The following NXPE3 variants were observed in gnomAD, a reference collection of about 807,000 sequenced individuals.
NXPE3 encodes NXPE family member 3.
A neutral mutation model predicts 46.1 loss-of-function variants in NXPE3; 26 were observed. The ratio of observed to expected loss-of-function variants is 0.56; its 90% CI spans 0.41 to 0.78. NXPE3 has a LOEUF of 0.78. Ranked by LOEUF, NXPE3 falls within the 30% of genes least tolerant of loss-of-function variation. The pLI, the probability that NXPE3 is intolerant of heterozygous loss-of-function variation, is 0.00. For missense variants in NXPE3, 620 were observed against 686.0 expected, an observed-to-expected ratio of 0.90 and a Z score of 1.07; for synonymous variants, 272 against 257.9, an observed-to-expected ratio of 1.05 and a Z score of -0.52.
rs1463385443 is a variant in NXPE3 at position 101,826,333 on chromosome 3, T to A, written c.*4379T>A. 3.9e-5 allele frequency: 6 copies of A among 152,200 alleles called. No homozygotes were observed. Among genetic ancestry groups the A allele is most frequent in the Admixed American group, 3.9e-4 (6 of 15,280 alleles). 9.4% of individuals were successfully genotyped at this position (152,200 alleles called of 1,614,324 possible). A position where few individuals can be genotyped will look rare whatever the true frequency, so the allele number is the denominator to read the frequency against. On this transcript the variant is annotated 3_prime_UTR_variant, in exon 8 of 8. Transcript: ENST00000273347. ...ACAGAAATAAGCCTCCCCAACTTTC[T>A]AAAAAACTGCTCAGCATTATCTCTG...
chr3:101,785,719 A>G, intron 4 of NXPE3, 30 bp downstream of exon 4: 2 of 1,573,872 alleles, frequency 1.3e-6, no homozygotes, highest in Non-Finnish European at 1.7e-6. Flanking sequence ...CCTCATAACT[A>G]AGGGAGCCGA....
intron 6 of NXPE3, among the ~76,000 whole-genome samples, chr3:101,814,396 T>C (rs1317928199): frequency 6.6e-6 from 1 of 152,238 alleles, no homozygotes; most frequent in African/African-American, 2.4e-5. Context: ...GATAATCGCA[T>C]TTGCCAAATA....
intron 3 of NXPE3, among the ~76,000 whole-genome samples, chr3:101,783,186 C>T (rs573273628): frequency 5.2e-4 from 79 of 152,176 alleles, no homozygotes; most frequent in African/African-American, 1.6e-3. Flanking sequence ...CTCAGCCTCC[C>T]GAGTAGCTGG....
chr3:101,810,442 C>T (rs995261883), intron 6 of NXPE3, among the ~76,000 whole-genome samples: 1 of 152,210 alleles, frequency 6.6e-6, no homozygotes. Context: ...TATGCTCTTA[C>T]ATAATCTCCT....
At chr3:101,784,628 G>A (rs1940038341) in intron 3 of NXPE3, among the ~76,000 whole-genome samples, 1 of 152,180 alleles carries the variant, frequency 6.6e-6, no homozygotes, top group South Asian at 2.1e-4. Flanking sequence ...GACATTTTCT[G>A]TTTACCTGTA....
At chr3:101,804,290 A>T (rs1366539089) in intron 5 of NXPE3, among the ~76,000 whole-genome samples, 1 of 152,218 alleles carries the variant, frequency 6.6e-6, no homozygotes, top group South Asian at 2.1e-4. Flanking sequence ...CTGACTATAA[A>T]TTCTACCATT....
chr3:101,794,081 C>G (rs1195516505), intron 4 of NXPE3, among the ~76,000 whole-genome samples: 1 of 150,352 alleles, frequency 6.7e-6, no homozygotes, highest in Non-Finnish European at 1.5e-5. Context: ...TGCCTAGTGT[C>G]TGGAAAACCA....
At chr3:101,800,426 T>G (rs1941076186) in intron 4 of NXPE3, among the ~76,000 whole-genome samples, 1 of 152,208 alleles carries the variant, frequency 6.6e-6, no homozygotes, top group South Asian at 2.1e-4. Flanking sequence ...TAAAAAATTT[T>G]TAAGGTGTAT....
intron 3 of NXPE3, among the ~76,000 whole-genome samples, chr3:101,784,332 A>G (rs1342120201): frequency 4.6e-5 from 7 of 152,260 alleles, no homozygotes; most frequent in East Asian, 1.9e-4. Flanking sequence ...AGAAGTGAAA[A>G]TAATAAGTGC....
At chr3:101,796,020 C>G (rs755719491) in intron 4 of NXPE3, among the ~76,000 whole-genome samples, 10 of 152,234 alleles carry the variant, frequency 6.6e-5, no homozygotes, top group South Asian at 4.1e-4. Context: ...ATTCAAATAG[C>G]TGTTACCAAG....
Position 101,826,000 on chromosome 3 carries a change from A to G in NXPE3, c.*4046A>G, listed in dbSNP as rs1453236050. ...CAAAACAGACCTTTGGTGTTCCAGT[A>G]TGATTCATTTTGCCATTCTGAACAA... On this transcript the variant is annotated 3_prime_UTR_variant, in exon 8 of 8. Transcript: ENST00000273347. The G allele has an allele frequency of 1.3e-5, 2 of 152,218 alleles. No homozygotes were observed. Among genetic ancestry groups the G allele is most frequent in the Non-Finnish European group, 2.9e-5 (2 of 68,034 alleles). 9.4% of individuals were successfully genotyped at this position (152,218 alleles called of 1,614,324 possible).
chr3:101,821,462 C>A lies in NXPE3; in HGVS notation c.1188C>A (p.Asp396Glu), dbSNP rs372755782. Residue 396 changes from aspartate to glutamate, a missense_variant, in exon 8 of 8, where the codon GAC becomes GAA. By Grantham distance (45) the Asp-to-Glu change is conservative. Coordinates refer to ENST00000273347, the MANE Select transcript of NXPE3 (RefSeq NM_145037.4). Reference protein sequence around the residue: ...PKNVGPFLAVDQKHNILLKYR... With the variant: ...PKNVGPFLAVEQKHNILLKYR... ...ATGTGGGTCCCTTCCTTGCAGTGGA[C>A]CAGAAGCACAACATCCTGCTCAAAT... is the stretch of plus-strand genomic sequence containing the variant. 13 of 1,614,016 alleles carry A rather than the reference C, an allele frequency of 8.1e-6. No individual in the cohort carries two copies. Among genetic ancestry groups the A allele is most frequent in the Non-Finnish European group, 1.1e-5 (13 of 1,180,034 alleles).
intron 4 of NXPE3, among the ~76,000 whole-genome samples, chr3:101,787,370 G>C (rs1004333302): frequency 6.6e-6 from 1 of 152,122 alleles, no homozygotes; most frequent in Non-Finnish European, 1.5e-5. Context: ...GCAATGGCAC[G>C]ATCTTGTCTC....
At position 101,826,146 on chromosome 3, in the gene NXPE3, T is replaced by TA. The variant is rs1448908458; in HGVS notation, c.*4193dup. ...TTTCACATTTATCAATCTGAAAACT[T>TA]AGTTTGCAGATTGGTAAATCAGGGT... On this transcript the variant is annotated 3_prime_UTR_variant, in exon 8 of 8. Coordinates refer to ENST00000273347, the MANE Select transcript of NXPE3 (RefSeq NM_145037.4). The TA allele has an allele frequency of 8.5e-5, 13 of 152,170 alleles. No individual in the cohort carries two copies. The highest frequency in any genetic ancestry group is 3.1e-4 in the African/African-American group (13 of 41,434). 9.4% of individuals were successfully genotyped at this position (152,170 alleles called of 1,614,324 possible). A position where few individuals can be genotyped will look rare whatever the true frequency, so the allele number is the denominator to read the frequency against.
rs567477718 is a variant in NXPE3 at position 101,827,695 on chromosome 3, G to C, written c.*5741G>C. Among the ~76,000 whole-genome samples the C allele has an allele frequency of 1.3e-5, 2 of 152,008 alleles. No individual in the cohort carries two copies. The highest frequency in any genetic ancestry group is 6.6e-5 in the Admixed American group (1 of 15,266). ...GATGTTGCCTCTGATTCCTCCCTGC[G>C]GCTCCAGTCCAGGTCTTGGAGCCGG... On this transcript the variant is annotated 3_prime_UTR_variant, in exon 8 of 8. Transcript: ENST00000273347.
At chr3:101,813,138 G>A (rs186991027) in intron 6 of NXPE3, among the ~76,000 whole-genome samples, 18 of 152,140 alleles carry the variant, frequency 1.2e-4, no homozygotes, top group Non-Finnish European at 4.4e-5. Context: ...CCTGCTGAGG[G>A]CTGTCCCTCC....
At position 101,815,459 on chromosome 3, in the gene NXPE3, C is replaced by T. The variant is rs149324717; in HGVS notation, c.923-1336C>T. On this transcript the variant is annotated intron_variant, in intron 6 of 7. Transcript: ENST00000273347. ...TATTAGTCTAAGTTGTTACTTGCCTCGCAGGCATGTGGGTGAGAAACTGTT... is the reference window on the plus strand; with the variant it reads ...TATTAGTCTAAGTTGTTACTTGCCTTGCAGGCATGTGGGTGAGAAACTGTT... 5.2e-3 allele frequency among the ~76,000 whole-genome samples: 789 copies of T among 152,308 alleles called. 1 individual carries two copies. The highest frequency in any genetic ancestry group is 8.9e-3 in the Non-Finnish European group (608 of 68,026).
Position 101,801,901 on chromosome 3 carries a change from A to T in NXPE3, c.760A>T (p.Lys254Ter). The change falls in exon 5 of 8, where the codon AAG becomes TAG. Residue 254 changes from lysine (K) to a stop codon, truncating the protein, a stop_gained. Coordinates refer to ENST00000273347, the MANE Select transcript of NXPE3 (RefSeq NM_145037.4). LOFTEE classifies it high-confidence loss of function. ...GCCCTGGTTCTGCTTCAAACCAAAG[A>T]AGCTCCCTTGCAGCAGCAGAATTAC... ...GEPWFCFKPK[K>*]LPCSSRITHF... 6.2e-7 allele frequency: 1 copy of T among 1,614,160 alleles called. No homozygotes were observed. Among genetic ancestry groups the T allele is most frequent in the Non-Finnish European group, 8.5e-7 (1 of 1,180,020 alleles).
rs914476551 is a variant in NXPE3, at chr3:101,823,323, C to A, written c.*1369C>A. 1 of 152,124 alleles carries A rather than the reference C, an allele frequency of 6.6e-6. No individual in the cohort carries two copies. Among genetic ancestry groups the A allele is most frequent in the Non-Finnish European group, 1.5e-5 (1 of 68,028 alleles). The allele number at this position is 152,124 out of a possible 1,614,324, so 9.4% of individuals were successfully genotyped here. On this transcript the variant is annotated 3_prime_UTR_variant, in exon 8 of 8. Coordinates refer to ENST00000273347, the MANE Select transcript of NXPE3 (RefSeq NM_145037.4). Reference sequence around the variant, plus strand: ...ATCTTACTTTCCTGTCCTTGAGGAACACCTTCAAGTTTTTAAAGTATTTTA... The same window carrying A: ...ATCTTACTTTCCTGTCCTTGAGGAAAACCTTCAAGTTTTTAAAGTATTTTA...
Sources: gnomAD v4.1 joint callset for allele counts (sites outside exome capture counted in the v4.1 genomes callset) on GRCh38, gnomAD v4.1.1 for gene constraint, MANE v1.5 for transcripts, NCBI Gene and HGNC (gene_info 2026-07-23, HGNC 2026-07-21) for gene names.